Variants in SYNPR observed in about 807,000 individuals in gnomAD.
The protein encoded by SYNPR is synaptoporin.
Under a neutral mutation model 32.9 loss-of-function variants are expected in SYNPR, and 23 were observed. That is an observed-to-expected ratio of 0.70 (90% CI 0.50 to 0.99). The LOEUF is 0.99. SYNPR is among the 50% of genes least tolerant of loss of function. The probability of loss-of-function intolerance (pLI) is 0.00; values close to 1 mark genes in which losing one functional copy is unlikely to be tolerated. For synonymous variants in SYNPR, 146 were observed against 135.9 expected, an observed-to-expected ratio of 1.07 and a Z score of -0.52; for missense variants, 318 against 349.3, an observed-to-expected ratio of 0.91 and a Z score of 0.71.
chr3:63,279,347 C>A (rs1437730246), intron 2 of SYNPR, among the ~76,000 whole-genome samples: 1 of 152,148 alleles, frequency 6.6e-6, no homozygotes, highest in Non-Finnish European at 1.5e-5. Context: ...AGTTTCTTTT[C>A]TCTGGCCACT....
intron 2 of SYNPR, among the ~76,000 whole-genome samples, chr3:63,266,968 A>C (rs2086495407): frequency 6.6e-6 from 1 of 152,164 alleles, no homozygotes; most frequent in African/African-American, 2.4e-5. Flanking sequence ...TACAGTCAAA[A>C]AATGCAACTG....
intron 2 of SYNPR, among the ~76,000 whole-genome samples, chr3:63,420,703 T>C (rs1250741123): frequency 1.3e-5 from 2 of 152,128 alleles, no homozygotes; most frequent in East Asian, 3.9e-4. Flanking sequence ...TAGGCTTTAT[T>C]TTAAATTTTT....
the SYNPR span, among the ~76,000 whole-genome samples, chr3:63,222,011 ATTTTTTTT>A: frequency 7.4e-4 from 42 of 56,412 alleles, 1 homozygote; most frequent in South Asian, 2.3e-3. Flanking sequence ...GCCATGCTCA[ATTTTTTTT>A]TTTTTTTTTT....
chr3:63,322,947 C>G (rs148177496), intron 2 of SYNPR, among the ~76,000 whole-genome samples: 1 of 152,014 alleles, frequency 6.6e-6, no homozygotes, highest in African/African-American at 2.4e-5. Flanking sequence ...TCTTAAGGGA[C>G]AGGGAGAGGC....
chr3:63,290,953 A>G (rs2086732948), intron 2 of SYNPR, among the ~76,000 whole-genome samples: 1 of 152,188 alleles, frequency 6.6e-6, no homozygotes, highest in Non-Finnish European at 1.5e-5. Context: ...TCCGGTTGAG[A>G]CTTGAGAAGA....
chr3:63,537,675 G>A (rs574747791), intron 3 of SYNPR, among the ~76,000 whole-genome samples: 1 of 152,218 alleles, frequency 6.6e-6, no homozygotes, highest in African/African-American at 2.4e-5. Flanking sequence ...ACGATGTCAG[G>A]ATATATTCTA....
chr3:63,264,648 ATTAG>A lies in SYNPR; in HGVS notation n.155-2662_155-2659del, dbSNP rs370052456. Among the ~76,000 whole-genome samples, 50 of 152,324 alleles carry A rather than the reference ATTAG, an allele frequency of 3.3e-4. No homozygotes were observed. The East Asian group carries it at 8.1e-3, about 25-fold the overall frequency. ...CTGACATTCAACAGAAATTCGGTAT[ATTAG>A]TTAGTTCTCACACTGCTATGAGGAA... On this transcript the variant is annotated intron_variant and non_coding_transcript_variant, in intron 2 of 4. Transcript: ENST00000478456.
At chr3:63,405,717 T>G (rs1428173694) in intron 2 of SYNPR, among the ~76,000 whole-genome samples, 1 of 152,168 alleles carries the variant, frequency 6.6e-6, no homozygotes, top group African/African-American at 2.4e-5. Flanking sequence ...GTTACAAGAC[T>G]ATTGCAAGAT....
At chr3:63,430,309 T>C (rs1456408966) in intron 2 of SYNPR, among the ~76,000 whole-genome samples, 4 of 152,128 alleles carry the variant, frequency 2.6e-5, no homozygotes, top group African/African-American at 9.7e-5. Flanking sequence ...TTTTAGGGTA[T>C]CAGTGAGTTT....
intron 1 of SYNPR, among the ~76,000 whole-genome samples, chr3:63,231,377 T>G (rs2086165417): frequency 6.6e-6 from 1 of 152,086 alleles, no homozygotes; most frequent in Admixed American, 6.6e-5. Flanking sequence ...TTGGATACAA[T>G]GTATGCTGCT....
chr3:63,523,175 A>G (rs1363525875), intron 3 of SYNPR, among the ~76,000 whole-genome samples: 1 of 152,092 alleles, frequency 6.6e-6, no homozygotes, highest in Admixed American at 6.5e-5. Flanking sequence ...TGAAAATGCC[A>G]TCTCACTGAC....
chr3:63,571,916 G>C (rs759273017), intron 4 of SYNPR, among the ~76,000 whole-genome samples: 1 of 152,138 alleles, frequency 6.6e-6, no homozygotes, highest in African/African-American at 2.4e-5. Context: ...AAATGAGCTC[G>C]TTGAAGGTAG....
chr3:63,611,577 G>A (rs536002759), intron 5 of SYNPR, among the ~76,000 whole-genome samples: 1 of 152,338 alleles, frequency 6.6e-6, no homozygotes, highest in East Asian at 1.9e-4. Flanking sequence ...AGGCTGCCAG[G>A]AAGCTGGACA....
intron 2 of SYNPR, among the ~76,000 whole-genome samples, chr3:63,304,000 A>G (rs1342644537): frequency 6.6e-6 from 1 of 151,986 alleles, no homozygotes; most frequent in East Asian, 1.9e-4. Flanking sequence ...TGTTATAAAA[A>G]CCTGCTCCAA....
chr3:63,316,363 C>G (rs1025533975), intron 2 of SYNPR, among the ~76,000 whole-genome samples: 1 of 151,870 alleles, frequency 6.6e-6, no homozygotes, highest in Non-Finnish European at 1.5e-5. Context: ...CCATCTGGTC[C>G]TGGACTTTTT....
chr3:63,288,138 T>C (rs1432282726), intron 2 of SYNPR, among the ~76,000 whole-genome samples: 2 of 152,198 alleles, frequency 1.3e-5, no homozygotes. Context: ...GACACAACTA[T>C]CAACCCCAGG....
At chr3:63,383,634 G>T (rs2088003227) in intron 2 of SYNPR, among the ~76,000 whole-genome samples, 1 of 152,044 alleles carries the variant, frequency 6.6e-6, no homozygotes. Context: ...AACAGAGCAA[G>T]ACTCTGTCTC....
chr3:63,283,810 C>CTTTTTT (rs142282438), intron 2 of SYNPR, among the ~76,000 whole-genome samples: 37 of 87,160 alleles, frequency 4.2e-4, no homozygotes, highest in African/African-American at 5.4e-4. Context: ...AGATAATTAC[C>CTTTTTT]TTTTTTTTTT....
intron 3 of SYNPR, among the ~76,000 whole-genome samples, chr3:63,520,846 G>A (rs80046433): frequency 0.011 from 1,716 of 152,266 alleles, 39 homozygotes; most frequent in African/African-American, 0.039. Context: ...CCATGACTTT[G>A]CTGATGAATG....
Sources: gnomAD v4.1 joint callset for allele counts (sites outside exome capture counted in the v4.1 genomes callset) on GRCh38, gnomAD v4.1.1 for gene constraint, MANE v1.5 for transcripts, NCBI Gene and HGNC (gene_info 2026-07-23, HGNC 2026-07-21) for gene names.